The following KIF9 variants were observed in gnomAD, a reference collection of about 807,000 sequenced individuals.
KIF9 encodes kinesin-like protein KIF9.
KIF9 carries 68 observed loss-of-function variants against 94.8 expected under a neutral mutation model. That is an observed-to-expected ratio of 0.72 (90% CI 0.59 to 0.88). The LOEUF (loss-of-function observed/expected upper bound fraction) is 0.88. Among genes scored for constraint, KIF9 ranks in the 40% least tolerant of loss-of-function variants. The pLI is 0.00. For synonymous variants in KIF9, 343 were observed against 362.1 expected, an observed-to-expected ratio of 0.95 and a Z score of 0.60; for missense variants, 882 against 982.5, an observed-to-expected ratio of 0.90 and a Z score of 1.37.
chr3:47,248,978 C>T (rs1053653143), intron 10 of KIF9, among the ~76,000 whole-genome samples: 14 of 152,118 alleles, frequency 9.2e-5, no homozygotes, highest in African/African-American at 3.4e-4. Flanking sequence ...TCAGGCAATC[C>T]TCTCGCCTCG....
chr3:47,277,801 C>T (rs921124068), intron 1 of KIF9, among the ~76,000 whole-genome samples: 1 of 152,066 alleles, frequency 6.6e-6, no homozygotes, highest in Non-Finnish European at 1.5e-5. Flanking sequence ...TTTTCATTAA[C>T]TTATCTTGCT....
chr3:47,282,592 T>A lies in KIF9; in HGVS notation c.-103A>T. ...TGCCTGGCTGTGTACATAGTCGCCA[T>A]GGCAACGGGTCGCTTCCGGGGATTC... On this transcript the variant is annotated 5_prime_UTR_variant, in exon 1 of 21. It removes an upstream start codon present in the reference 5' UTR. Coordinates refer to ENST00000684063, the MANE Select transcript of KIF9 (RefSeq NM_182902.4). The A allele has an allele frequency of 9.2e-7, 1 of 1,089,250 alleles. No individual in the cohort carries two copies. The highest frequency in any genetic ancestry group is 2.6e-5 in the South Asian group (1 of 39,080). 67.5% of individuals were successfully genotyped at this position (1,089,250 alleles called of 1,614,324 possible).
Position 47,228,603 on chromosome 3 carries a change from G to C in KIF9, c.*49C>G. On this transcript the variant is annotated 3_prime_UTR_variant, in exon 21 of 21. Coordinates refer to ENST00000684063, the MANE Select transcript of KIF9 (RefSeq NM_182902.4). ...CAGGTGGTTGAGCAGCTCCACTACAGTAGGTGGGAGTTGCTGGTCTTGTCC... is the reference window on the plus strand; with the variant it reads ...CAGGTGGTTGAGCAGCTCCACTACACTAGGTGGGAGTTGCTGGTCTTGTCC... 1 of 1,468,906 alleles carries C rather than the reference G, an allele frequency of 6.8e-7. No individual in the cohort carries two copies. The highest frequency in any genetic ancestry group is 1.1e-5 in the South Asian group (1 of 88,144). The allele number at this position is 1,468,906 out of a possible 1,614,324, so 91.0% of individuals were successfully genotyped here. A position where few individuals can be genotyped will look rare whatever the true frequency, so the allele number is the denominator to read the frequency against.
chr3:47,235,924 C>A, intron 19 of KIF9, 110 bp downstream of exon 19: 2 of 825,080 alleles, frequency 2.4e-6, no homozygotes, highest in Non-Finnish European at 4.0e-6. Context: ...TGTGGAGAGG[C>A]TGGGAGCACC....
chr3:47,235,652 C>T (rs371418079), intron 19 of KIF9, 35 bp from the exon 20 acceptor site: 44 of 1,517,522 alleles, frequency 2.9e-5, no homozygotes, highest in Non-Finnish European at 3.9e-5. Flanking sequence ...ATGGTATTGT[C>T]AGGATATACC....
chr3:47,235,733 C>G, intron 19 of KIF9, 116 bp from the exon 20 acceptor site: 1 of 793,668 alleles, frequency 1.3e-6, no homozygotes, highest in Non-Finnish European at 2.1e-6. Context: ...CCCACCGCCA[C>G]CAAAAGGGCA....
chr3:47,265,386 T>C (rs1351778246), intron 8 of KIF9, among the ~76,000 whole-genome samples: 1 of 152,078 alleles, frequency 6.6e-6, no homozygotes, highest in Non-Finnish European at 1.5e-5. Flanking sequence ...TACAGGAGGC[T>C]GCAGGGGAAG....
intron 20 of KIF9, among the ~76,000 whole-genome samples, chr3:47,229,436 C>T (rs1294402721): frequency 6.6e-6 from 1 of 152,274 alleles, no homozygotes; most frequent in East Asian, 1.9e-4. Flanking sequence ...CACACACAAA[C>T]ACACACACAT....
chr3:47,249,738 T>C (rs575187089), intron 10 of KIF9, among the ~76,000 whole-genome samples: 3 of 152,306 alleles, frequency 2.0e-5, no homozygotes, highest in Admixed American at 6.5e-5. Flanking sequence ...AGCTTCTAAA[T>C]TAGGTGCACC....
chr3:47,230,806 A>G (rs1698512231), intron 20 of KIF9, among the ~76,000 whole-genome samples: 1 of 151,550 alleles, frequency 6.6e-6, no homozygotes, highest in Admixed American at 6.6e-5. Context: ...TTGGGAAGCC[A>G]AGGCGGGTGG....
intron 9 of KIF9, among the ~76,000 whole-genome samples, chr3:47,258,665 TTC>T (rs1158390574): frequency 2.0e-5 from 3 of 152,122 alleles, no homozygotes; most frequent in Non-Finnish European, 4.4e-5. Flanking sequence ...GCCCCTCACT[TTC>T]TTCCTCCTGC....
intron 20 of KIF9, among the ~76,000 whole-genome samples, chr3:47,232,364 A>C (rs1698659049): frequency 6.6e-6 from 1 of 151,830 alleles, no homozygotes; most frequent in Non-Finnish European, 1.5e-5. Context: ...AGCTCACCGC[A>C]ACCTCCACCT....
intron 15 of KIF9, chr3:47,243,571 C>T (rs1485486779): frequency 1.0e-5 from 2 of 196,286 alleles, no homozygotes; most frequent in African/African-American, 4.6e-5. Flanking sequence ...CAGGAACCAC[C>T]ACGGCTGCTG....
intron 1 of KIF9, chr3:47,282,250 G>A (rs1219649434): frequency 1.0e-6 from 1 of 985,494 alleles, no homozygotes; most frequent in Non-Finnish European, 1.2e-6. Flanking sequence ...CGGCCTCTAT[G>A]TCCTGGACGC....
intron 10 of KIF9, among the ~76,000 whole-genome samples, chr3:47,254,610 C>T (rs1388496702): frequency 1.3e-5 from 2 of 152,120 alleles, no homozygotes; most frequent in East Asian, 3.9e-4. Flanking sequence ...GATTGTCTCA[C>T]ACACACACAC....
At chr3:47,232,180 C>T (rs564983587) in intron 20 of KIF9, among the ~76,000 whole-genome samples, 48 of 152,326 alleles carry the variant, frequency 3.2e-4, no homozygotes, top group African/African-American at 1.1e-3. Flanking sequence ...GAAGGCACCA[C>T]CTCTGAAGCG....
At chr3:47,236,648 T>C in intron 17 of KIF9, 29 bp from the exon 18 acceptor site, 1 of 1,606,780 alleles carries the variant, frequency 6.2e-7, no homozygotes, top group Non-Finnish European at 8.5e-7. Context: ...AGTCAGGAAA[T>C]GAGGAGGTGT....
chr3:47,252,130 G>A (rs1360881477), intron 10 of KIF9, among the ~76,000 whole-genome samples: 1 of 152,212 alleles, frequency 6.6e-6, no homozygotes, highest in African/African-American at 2.4e-5. Context: ...TACAGTCTAG[G>A]AAAGGCAGCA....
At chr3:47,278,215 G>A (rs1045065545) in intron 1 of KIF9, among the ~76,000 whole-genome samples, 9 of 151,924 alleles carry the variant, frequency 5.9e-5, no homozygotes, top group Non-Finnish European at 1.2e-4. Flanking sequence ...GGGACTACAG[G>A]TGCGTACCAC....
Sources: gnomAD v4.1 joint callset for allele counts (sites outside exome capture counted in the v4.1 genomes callset) on GRCh38, gnomAD v4.1.1 for gene constraint, MANE v1.5 for transcripts, NCBI Gene and HGNC (gene_info 2026-07-23, HGNC 2026-07-21) for gene names.